DRC9: variants seen among roughly 807,000 people sequenced by gnomAD.
DRC9 encodes dynein regulatory complex protein 9.
the DRC9 span, among the ~76,000 whole-genome samples, chr3:197,941,801 T>C: frequency 6.6e-6 from 1 of 151,764 alleles, no homozygotes; most frequent in Non-Finnish European, 1.5e-5. Context: ...GCCTCAAGTA[T>C]TTCTCCCACC....
chr3:197,912,190 C>G, the DRC9 span, among the ~76,000 whole-genome samples: 1 of 151,906 alleles, frequency 6.6e-6, no homozygotes, highest in Non-Finnish European at 1.5e-5. Context: ...ACAGGCGCAC[C>G]ACCATGCCCG....
At chr3:197,950,237 G>T in the DRC9 span, 1 of 1,230,908 alleles carries the variant, frequency 8.1e-7, no homozygotes. Flanking sequence ...TGAAGGGTCT[G>T]CTGCTGAAAT....
chr3:197,932,631 CAATAAATAAATA>C, the DRC9 span, among the ~76,000 whole-genome samples: 5,918 of 142,972 alleles, frequency 0.041, 188 homozygotes, highest in African/African-American at 0.089. Context: ...GACTCCGTCT[CAATAAATAAATA>C]AATAAATAAA....
the DRC9 span, among the ~76,000 whole-genome samples, chr3:197,944,986 AC>A: frequency 6.6e-6 from 1 of 152,222 alleles, no homozygotes; most frequent in East Asian, 1.9e-4. Flanking sequence ...TTGGATGCTA[AC>A]CAAAAGTGTC....
the DRC9 span, among the ~76,000 whole-genome samples, chr3:197,951,909 G>A: frequency 1.3e-5 from 2 of 152,150 alleles, no homozygotes; most frequent in African/African-American, 2.4e-5. Flanking sequence ...TGTTGGCCAG[G>A]CTGGATTGGT....
the DRC9 span, among the ~76,000 whole-genome samples, chr3:197,928,214 A>AT: frequency 6.6e-6 from 1 of 151,700 alleles, no homozygotes. Flanking sequence ...ACACACTATA[A>AT]TTTTTTCTTA....
the DRC9 span, chr3:197,926,174 C>G: frequency 1.2e-6 from 1 of 840,996 alleles, no homozygotes; most frequent in Non-Finnish European, 2.0e-6. Flanking sequence ...AAGGACCACC[C>G]CGCACATAAG....
the DRC9 span, among the ~76,000 whole-genome samples, chr3:197,944,907 A>G: frequency 1.3e-5 from 2 of 152,326 alleles, no homozygotes; most frequent in East Asian, 3.9e-4. Context: ...TATGTAGTTC[A>G]TGCAATTTGG....
At chr3:197,952,301 C>T in the DRC9 span, among the ~76,000 whole-genome samples, 2 of 149,060 alleles carry the variant, frequency 1.3e-5, no homozygotes, top group Non-Finnish European at 3.0e-5. Context: ...TCCTGAGTAG[C>T]TGGGATTACA....
chr3:197,912,928 G>C, the DRC9 span: 1 of 615,416 alleles, frequency 1.6e-6, no homozygotes, highest in Non-Finnish European at 2.9e-6. Flanking sequence ...GCGCGGCACT[G>C]TGTGGACTGC....
the DRC9 span, among the ~76,000 whole-genome samples, chr3:197,890,404 C>CAAA: frequency 1.6e-5 from 2 of 123,990 alleles, no homozygotes; most frequent in African/African-American, 2.9e-5. Flanking sequence ...GATGCTGTCT[C>CAAA]AAAAAAAAAA....
the DRC9 span, among the ~76,000 whole-genome samples, chr3:197,946,131 C>T: frequency 6.6e-6 from 1 of 152,046 alleles, no homozygotes; most frequent in Non-Finnish European, 1.5e-5. Flanking sequence ...TGAGATGACA[C>T]TTAGAAAAAC....
At chr3:197,950,423 G>T in the DRC9 span, 1 of 864,958 alleles carries the variant, frequency 1.2e-6, no homozygotes, top group Admixed American at 4.4e-5. Context: ...GGCTGCCCGG[G>T]TTATCCCAGT....
At chr3:197,912,991 C>T in the DRC9 span, 3 of 472,166 alleles carry the variant, frequency 6.4e-6, no homozygotes, top group South Asian at 7.6e-5. Flanking sequence ...GAGGTGCCCA[C>T]TGAAGGACAG....
the DRC9 span, among the ~76,000 whole-genome samples, chr3:197,934,911 T>C: frequency 2.0e-5 from 3 of 151,140 alleles, no homozygotes; most frequent in Non-Finnish European, 4.4e-5. Context: ...TTTGAGGCTG[T>C]AGTGAGTCAT....
At chr3:197,938,367 C>T in the DRC9 span, among the ~76,000 whole-genome samples, 1 of 152,056 alleles carries the variant, frequency 6.6e-6, no homozygotes. Context: ...ATATAGCTGC[C>T]TTGCTTTCCA....
the DRC9 span, chr3:197,889,746 A>T: frequency 6.2e-7 from 1 of 1,613,480 alleles, no homozygotes; most frequent in Non-Finnish European, 8.5e-7. Context: ...AGTACGACGT[A>T]TGCTATGCCT....
chr3:197,951,080 A>G, the DRC9 span: 1 of 1,605,440 alleles, frequency 6.2e-7, no homozygotes, highest in Admixed American at 1.7e-5. Context: ...GCTCTGAGTA[A>G]CTTTTGGGTG....
chr3:197,944,176 AT>A, the DRC9 span: 9 of 841,098 alleles, frequency 1.1e-5, no homozygotes, highest in African/African-American at 1.5e-4. Flanking sequence ...TAGAACCTAG[AT>A]GAAAAAAAAG....
Sources: gnomAD v4.1 joint callset for allele counts (sites outside exome capture counted in the v4.1 genomes callset) on GRCh38, gnomAD v4.1.1 for gene constraint, MANE v1.5 for transcripts, NCBI Gene and HGNC (gene_info 2026-07-23, HGNC 2026-07-21) for gene names.